The following GLB1L2 variants were observed in gnomAD, a reference collection of about 807,000 sequenced individuals.
GLB1L2 encodes the protein galactosidase beta 1 like 2.
A neutral mutation model predicts 84.1 loss-of-function variants in GLB1L2; 68 were observed. That is an observed-to-expected ratio of 0.81 (90% CI 0.67 to 0.99). GLB1L2 has a LOEUF of 0.99. Ranked by LOEUF, GLB1L2 falls within the 50% of genes least tolerant of loss-of-function variation. GLB1L2 has a pLI of 0.00. For missense variants in GLB1L2, 762 were observed against 805.6 expected (o/e 0.95, Z 0.66); for synonymous variants, 290 against 318.0 (o/e 0.91, Z 0.94).
chr11:134,351,203 T>G lies in GLB1L2; in HGVS notation c.558+3770T>G, dbSNP rs973274103. 4.6e-5 allele frequency among the ~76,000 whole-genome samples: 7 copies of G among 152,222 alleles called. 1 individual carries two copies. Among genetic ancestry groups the G allele is most frequent in the Admixed American group, 2.6e-4 (4 of 15,288 alleles). On this transcript the variant is annotated intron_variant, in intron 5 of 18. Transcript: ENST00000535456. Reference sequence around the variant, plus strand: ...TTACTATGTTGAGGTAGTTTCCTTCTGTTCCTAGTTGACTGAGTGTTTTTT... The same window carrying G: ...TTACTATGTTGAGGTAGTTTCCTTCGGTTCCTAGTTGACTGAGTGTTTTTT...
intron 6 of GLB1L2, among the ~76,000 whole-genome samples, chr11:134,358,721 G>A (rs962144001): frequency 2.6e-5 from 4 of 152,244 alleles, no homozygotes; most frequent in Admixed American, 1.3e-4. Flanking sequence ...AGACAGTGGC[G>A]GGTGACACGC....
chr11:134,367,152 G>T (rs1943876365), intron 8 of GLB1L2, 105 bp from the exon 9 acceptor site: 2 of 989,680 alleles, frequency 2.0e-6, no homozygotes, highest in Admixed American at 4.0e-5. Flanking sequence ...ATGCAGACAG[G>T]GAAGAGTAGA....
In GLB1L2 at chr11:134,371,150, T is replaced by G; in HGVS notation, c.1356+2T>G. Reference sequence around the variant, plus strand: ...GGCCACGTGCATGATCGGGGGCAGGTAGGAGCTTCTCTTCTAAATTCCTGT... The same window carrying G: ...GGCCACGTGCATGATCGGGGGCAGGGAGGAGCTTCTCTTCTAAATTCCTGT... On this transcript the variant is annotated splice_donor_variant, in intron 13 of 18. Coordinates refer to ENST00000535456, the MANE Select transcript of GLB1L2 (RefSeq NM_001370461.1). LOFTEE classifies it high-confidence loss of function. 6.2e-7 allele frequency: 1 copy of G among 1,614,102 alleles called. No homozygotes were observed. Among genetic ancestry groups the G allele is most frequent in the Non-Finnish European group, 8.5e-7 (1 of 1,179,998 alleles).
chr11:134,375,172 C>A lies in GLB1L2; in HGVS notation c.*114C>A. 1 of 754,902 alleles carries A rather than the reference C, an allele frequency of 1.3e-6. No homozygotes were observed. The highest frequency in any genetic ancestry group is 2.2e-6 in the Non-Finnish European group (1 of 453,334). 46.8% of individuals were successfully genotyped at this position (754,902 alleles called of 1,614,324 possible). The stretch of plus-strand genomic sequence containing the variant: ...GCAAAAGCATCTCCTTAAGTAGCAA[C>A]CTCAGGGACTGGGGGCTACAGTCTG... On this transcript the variant is annotated 3_prime_UTR_variant, in exon 19 of 19. Transcript: ENST00000535456.
At chr11:134,357,382 G>T (rs1445539318) in intron 6 of GLB1L2, among the ~76,000 whole-genome samples, 1 of 152,238 alleles carries the variant, frequency 6.6e-6, no homozygotes, top group Non-Finnish European at 1.5e-5. Flanking sequence ...AAGCAAGGCC[G>T]TGTCCAGGAA....
At position 134,347,437 on chromosome 11, in the gene GLB1L2, C is replaced by T; in HGVS notation, c.558+4C>T. The T allele has an allele frequency of 6.3e-7, 1 of 1,587,458 alleles. No individual in the cohort carries two copies. The highest frequency in any genetic ancestry group is 8.7e-7 in the Non-Finnish European group (1 of 1,155,710). Reference sequence around the variant, plus strand: ...GTCCAGGGTGGTGCCACTCCAGGTACAAGCAAATGGGGTCTTCTTTGATCT... The same window carrying T: ...GTCCAGGGTGGTGCCACTCCAGGTATAAGCAAATGGGGTCTTCTTTGATCT... On this transcript the variant is annotated splice_donor_region_variant and intron_variant, in intron 5 of 18. Coordinates refer to ENST00000535456, the MANE Select transcript of GLB1L2 (RefSeq NM_001370461.1).
chr11:134,374,301 C>CTCCAAG, intron 17 of GLB1L2, 45 bp downstream of exon 17: 1 of 1,424,914 alleles, frequency 7.0e-7, no homozygotes, highest in Non-Finnish European at 9.9e-7. Context: ...ACCTGCCTCC[C>CTCCAAG]GCCTTGGAGG....
chr11:134,361,579 C>T (rs1053223497), intron 7 of GLB1L2: 7 of 152,392 alleles, frequency 4.6e-5, no homozygotes, highest in African/African-American at 1.7e-4. Flanking sequence ...CATTTCAATT[C>T]TCTTTCCTCC....
Position 134,358,237 on chromosome 11 carries a change from C to T in GLB1L2, c.652-823C>T, listed in dbSNP as rs376033303. ...TGTTGGGATTTTTGATCCAAAAGATCCTAGCACCTCAGCACAGAGCCTTTG... is the reference window on the plus strand; with the variant it reads ...TGTTGGGATTTTTGATCCAAAAGATTCTAGCACCTCAGCACAGAGCCTTTG... On this transcript the variant is annotated intron_variant, in intron 6 of 18. Transcript: ENST00000535456. 1.4e-4 allele frequency among the ~76,000 whole-genome samples: 22 copies of T among 152,368 alleles called. No homozygotes were observed. The South Asian group carries it at 4.3e-3, about 30-fold the overall frequency.
rs1342719215 is a variant in GLB1L2 at position 134,370,343 on chromosome 11, C to T, written c.1159C>T (p.Pro387Ser). The T allele has an allele frequency of 1.9e-6, 3 of 1,613,976 alleles. 1 individual carries two copies. Among genetic ancestry groups the T allele is most frequent in the South Asian group, 2.2e-5 (2 of 91,052 alleles). ...CCTTCTTCCCAAGATGCCGTATGAG[C>T]CCTTAACGCCAGTCTTGTACCTGTC... ...PDLLPKMPYE[P>S]LTPVLYLSLW... Residue 387 changes from proline to serine, a missense_variant, in exon 12 of 19, where the codon CCC (proline) becomes TCC (serine). By Grantham distance (74) the Pro-to-Ser change is moderately conservative. Transcript: ENST00000535456. The surrounding 1 kb of genome is among the most constrained non-coding windows in gnomAD (Gnocchi z 4.7).
chr11:134,371,067 A>G lies in GLB1L2; in HGVS notation c.1275A>G (p.Gly425=). ...ACCTGCCAGTCAATGGGGGAAATGG[A>G]CAGTCCTTCGGGTACATTCTCTATG... is the stretch of plus-strand genomic sequence containing the variant. The part of the protein sequence containing the change: ...MENLPVNGGN[G]QSFGYILYET... The change falls in exon 13 of 19, where the codon GGA becomes GGG. Residue 425 remains glycine (G), a synonymous_variant. Transcript: ENST00000535456. 6.2e-7 allele frequency: 1 copy of G among 1,614,228 alleles called. No individual in the cohort carries two copies.
At chr11:134,364,448 G>A in intron 8 of GLB1L2, 50 bp downstream of exon 8, 4 of 1,451,260 alleles carry the variant, frequency 2.8e-6, no homozygotes, top group Non-Finnish European at 3.8e-6. Context: ...AGCGGCCTAT[G>A]GGAATTCTGA....
intron 13 of GLB1L2, 134 bp downstream of exon 13, chr11:134,371,282 C>T (rs1943948675): frequency 7.8e-7 from 1 of 1,277,518 alleles, no homozygotes; most frequent in Non-Finnish European, 1.1e-6. Flanking sequence ...TGTGAGCCTT[C>T]AGGGGGCATT....
chr11:134,358,543 G>T (rs1943737759), intron 6 of GLB1L2, among the ~76,000 whole-genome samples: 1 of 152,284 alleles, frequency 6.6e-6, no homozygotes, highest in Non-Finnish European at 1.5e-5. Flanking sequence ...GGCATGGGCA[G>T]TGCACCGTGG....
rs1381607986 is a variant in GLB1L2 at position 134,342,641 on chromosome 11, C to T, written c.87-113C>T. On this transcript the variant is annotated intron_variant, in intron 1 of 18. Coordinates refer to ENST00000535456, the MANE Select transcript of GLB1L2 (RefSeq NM_001370461.1). ...GGCGGAGGGGAGCTTTTCCCAGCCACCTGGACGCAGGCGCCCTCGAGAGAG... is the reference window on the plus strand; with the variant it reads ...GGCGGAGGGGAGCTTTTCCCAGCCATCTGGACGCAGGCGCCCTCGAGAGAG... The T allele has an allele frequency of 6.4e-6, 7 of 1,085,488 alleles. No individual in the cohort carries two copies. The African/African-American group carries it at 9.5e-5, about 15-fold the overall frequency. The allele number at this position is 1,085,488 out of a possible 1,614,324, so 67.2% of individuals were successfully genotyped here. A position where few individuals can be genotyped will look rare whatever the true frequency, so the allele number is the denominator to read the frequency against.
intron 5 of GLB1L2, among the ~76,000 whole-genome samples, chr11:134,353,237 A>C (rs113980939): frequency 2.0e-5 from 3 of 151,868 alleles, no homozygotes. Context: ...GTTGAAACCC[A>C]TTCTCTACTA....
intron 1 of GLB1L2, among the ~76,000 whole-genome samples, chr11:134,335,873 T>A (rs937882368): frequency 6.6e-6 from 1 of 152,182 alleles, no homozygotes; most frequent in Non-Finnish European, 1.5e-5. Context: ...TGAAAAGGAC[T>A]CTGGGGTCTA....
At chr11:134,358,439 C>T (rs1269026588) in intron 6 of GLB1L2, among the ~76,000 whole-genome samples, 1 of 152,258 alleles carries the variant, frequency 6.6e-6, no homozygotes, top group Non-Finnish European at 1.5e-5. Context: ...AGGGGACGCT[C>T]TGAGTGGTGA....
chr11:134,345,174 C>T (rs1255271145), intron 4 of GLB1L2, 45 bp downstream of exon 4: 2 of 1,538,810 alleles, frequency 1.3e-6, no homozygotes, highest in Non-Finnish European at 1.8e-6. Context: ...GCAAAAAGCT[C>T]ACAGACATAG....
Sources: gnomAD v4.1 joint callset for allele counts (sites outside exome capture counted in the v4.1 genomes callset) on GRCh38, gnomAD v4.1.1 for gene constraint, Gnocchi (gnomAD v3.1) non-coding constraint, MANE v1.5 for transcripts, NCBI Gene and HGNC (gene_info 2026-07-23, HGNC 2026-07-21) for gene names.